The following STRN variants were observed in gnomAD, a reference collection of about 807,000 sequenced individuals.
STRN encodes protein phosphatase 2 regulatory subunit B'''alpha.
In STRN, 53 loss-of-function variants were observed where a neutral mutation model predicts 96.3. The ratio of observed to expected loss-of-function variants is 0.55; its 90% confidence interval spans 0.44 to 0.69. The LOEUF is 0.69. STRN is among the 30% of genes least tolerant of loss of function. The probability of loss-of-function intolerance (pLI) is 0.00; values close to 1 mark genes in which losing one functional copy is unlikely to be tolerated. For synonymous variants in STRN, 428 were observed against 355.9 expected, an observed-to-expected ratio of 1.20 and a Z score of -2.28; for missense variants, 987 against 963.9, an observed-to-expected ratio of 1.02 and a Z score of -0.32.
chr2:36,843,237 T>G lies in STRN; in HGVS notation c.*6219A>C, dbSNP rs906779136. 9.9e-5 allele frequency among the ~76,000 whole-genome samples: 15 copies of G among 152,250 alleles called. No individual in the cohort carries two copies. Among genetic ancestry groups the G allele is most frequent in the Admixed American group, 2.6e-4 (4 of 15,278 alleles). ...ATACAGAACACCAAACAATGGTGGA[T>G]AGTTTCAAGGATATCAGAAGAGATG... On this transcript the variant is annotated 3_prime_UTR_variant, in exon 18 of 18. Transcript: ENST00000263918.
At chr2:36,918,264 T>G (rs1057457965) in intron 2 of STRN, among the ~76,000 whole-genome samples, 2 of 152,144 alleles carry the variant, frequency 1.3e-5, no homozygotes, top group African/African-American at 4.8e-5. Context: ...TTGCAGTTAC[T>G]AGAAAGTAAA....
chr2:36,865,447 G>A (rs767103916), intron 12 of STRN, among the ~76,000 whole-genome samples: 1 of 151,466 alleles, frequency 6.6e-6, no homozygotes, highest in South Asian at 2.1e-4. Context: ...TATTTTATAC[G>A]TTTTTTTTGT....
intron 4 of STRN, among the ~76,000 whole-genome samples, chr2:36,903,737 T>C (rs532901472): frequency 6.6e-6 from 1 of 152,330 alleles, no homozygotes; most frequent in Non-Finnish European, 1.5e-5. Flanking sequence ...AGGGAGTAAG[T>C]GTATCTTACC....
intron 1 of STRN, among the ~76,000 whole-genome samples, chr2:36,928,588 G>C (rs1467667025): frequency 2.6e-5 from 4 of 151,290 alleles, no homozygotes; most frequent in Non-Finnish European, 5.9e-5. Context: ...GGAGGCGGAG[G>C]TTGCAGTGTG....
intron 3 of STRN, among the ~76,000 whole-genome samples, chr2:36,911,898 G>T (rs1431547441): frequency 6.6e-6 from 1 of 152,108 alleles, no homozygotes; most frequent in Non-Finnish European, 1.5e-5. Flanking sequence ...CTATTCCCTA[G>T]AAAGTTAGTC....
chr2:36,855,421 CA>C, intron 14 of STRN, 69 bp from the exon 15 acceptor site: 2 of 1,525,104 alleles, frequency 1.3e-6, no homozygotes, highest in Non-Finnish European at 1.8e-6. Flanking sequence ...TAAAATAGAG[CA>C]AAACAAAAAA....
intron 8 of STRN, among the ~76,000 whole-genome samples, chr2:36,884,836 A>T (rs886298568): frequency 3.9e-5 from 6 of 152,070 alleles, no homozygotes; most frequent in Non-Finnish European, 7.4e-5. Flanking sequence ...AAAAAAAAAA[A>T]TTTATGGTGG....
rs1480465011 is a variant in STRN, at chr2:36,845,960, C to T, written c.*3496G>A. 6.8e-6 allele frequency: 1 copy of T among 147,344 alleles called. No individual in the cohort carries two copies. Among genetic ancestry groups the T allele is most frequent in the Admixed American group, 6.8e-5 (1 of 14,742 alleles). The allele number at this position is 147,344 out of a possible 1,614,324, so 9.1% of individuals were successfully genotyped here. A position where few individuals can be genotyped will look rare whatever the true frequency, so the allele number is the denominator to read the frequency against. On this transcript the variant is annotated 3_prime_UTR_variant, in exon 18 of 18. Transcript: ENST00000263918. Reference sequence around the variant, plus strand: ...ACACACACACACACACACTAACTCTCTCTCTCTCTCTGTGCCCCCCCTCCC... The same window carrying T: ...ACACACACACACACACACTAACTCTTTCTCTCTCTCTGTGCCCCCCCTCCC...
intron 9 of STRN, among the ~76,000 whole-genome samples, chr2:36,881,442 G>A (rs1387572898): frequency 6.6e-6 from 1 of 151,874 alleles, no homozygotes; most frequent in African/African-American, 2.4e-5. Flanking sequence ...CCTGCCTTCT[G>A]AATTATTAAA....
intron 1 of STRN, among the ~76,000 whole-genome samples, chr2:36,958,458 T>C (rs575416807): frequency 5.3e-5 from 8 of 152,198 alleles, no homozygotes; most frequent in African/African-American, 1.4e-4. Context: ...TTTTAAGAAA[T>C]GACCGAGCAG....
chr2:36,851,045 T>G lies in STRN; in HGVS notation c.2041A>C (p.Thr681Pro). 1 of 1,613,866 alleles carries G rather than the reference T, an allele frequency of 6.2e-7. No homozygotes were observed. The highest frequency in any genetic ancestry group is 8.5e-7 in the Non-Finnish European group (1 of 1,179,872). Residue 681 changes from threonine to proline, a missense_variant, in exon 16 of 18, where the codon ACT becomes CCT. By Grantham distance (38) the Thr-to-Pro change is conservative (BLOSUM62 -1). Transcript: ENST00000263918. Reference protein sequence around the residue: ...ISHPTLPISITAHEDRHIKFY... With the variant: ...ISHPTLPISIPAHEDRHIKFY... ...TTGATGTGCCTGTCTTCATGAGCAG[T>G]GATGCTGATCGGAAGAGTAGGATGA...
intron 4 of STRN, among the ~76,000 whole-genome samples, chr2:36,904,848 GA>G (rs1225825923): frequency 6.6e-6 from 1 of 151,852 alleles, no homozygotes; most frequent in Non-Finnish European, 1.5e-5. Context: ...CTGAATGAAT[GA>G]ATGAATGAAT....
At chr2:36,953,237 G>A (rs1412161520) in intron 1 of STRN, among the ~76,000 whole-genome samples, 2 of 151,932 alleles carry the variant, frequency 1.3e-5, no homozygotes, top group East Asian at 3.9e-4. Context: ...TAATTCCAGG[G>A]TTCCTATTCC....
In STRN at chr2:36,966,532, G is replaced by C. The variant is rs970068289; in HGVS notation, c.-69C>G. 1.3e-5 allele frequency: 18 copies of C among 1,353,674 alleles called. No individual in the cohort carries two copies. The Admixed American group carries it at 4.5e-4, about 34-fold the overall frequency. 83.9% of individuals were successfully genotyped at this position (1,353,674 alleles called of 1,614,324 possible). A position where few individuals can be genotyped will look rare whatever the true frequency, so the allele number is the denominator to read the frequency against. ...GGAGGCAACAGCGGCGGCAAGCAGC[G>C]CCTCCTCCTCCCTCCGCCGCTCCCG... On this transcript the variant is annotated 5_prime_UTR_variant, in exon 1 of 18. Coordinates refer to ENST00000263918, the MANE Select transcript of STRN (RefSeq NM_003162.4).
chr2:36,892,524 T>C (rs1185291239), intron 7 of STRN, among the ~76,000 whole-genome samples: 1 of 152,214 alleles, frequency 6.6e-6, no homozygotes, highest in Non-Finnish European at 1.5e-5. Context: ...GAACACTCAA[T>C]ATTGAAAAGA....
intron 12 of STRN, among the ~76,000 whole-genome samples, chr2:36,863,787 A>G (rs897388594): frequency 4.6e-5 from 7 of 152,204 alleles, no homozygotes; most frequent in African/African-American, 1.4e-4. Flanking sequence ...TCTATCCATG[A>G]GCATGGAATG....
At chr2:36,959,757 T>C (rs1200980593) in intron 1 of STRN, among the ~76,000 whole-genome samples, 1 of 152,216 alleles carries the variant, frequency 6.6e-6, no homozygotes, top group African/African-American at 2.4e-5. Context: ...ACCAAACTTT[T>C]ATAGATAATG....
intron 1 of STRN, among the ~76,000 whole-genome samples, chr2:36,952,130 T>C (rs1286988488): frequency 6.6e-6 from 1 of 152,176 alleles, no homozygotes; most frequent in Non-Finnish European, 1.5e-5. Context: ...GAAACAAAAA[T>C]GTGAAGGGTG....
At chr2:36,903,964 A>G (rs1266071781) in intron 4 of STRN, among the ~76,000 whole-genome samples, 1 of 152,228 alleles carries the variant, frequency 6.6e-6, no homozygotes, top group Non-Finnish European at 1.5e-5. Flanking sequence ...TGCTCTTGCC[A>G]TAGAAAAGCT....
Sources: allele counts gnomAD v4.1 joint callset (sites outside exome capture counted in the v4.1 genomes callset), GRCh38; gene constraint gnomAD v4.1.1; transcripts MANE v1.5; gene names NCBI Gene and HGNC (gene_info 2026-07-23, HGNC 2026-07-21).